Variants in PHKB observed in about 807,000 individuals in gnomAD.
The protein encoded by PHKB is phosphorylase b kinase regulatory subunit beta.
PHKB carries 122 observed loss-of-function variants against 152.1 expected under a neutral mutation model. The observed-to-expected ratio is 0.80, with a 90% CI of 0.69 to 0.93. The LOEUF (loss-of-function observed/expected upper bound fraction) is 0.93, where lower values mean the gene tolerates loss of function less well. PHKB is among the 40% of genes least tolerant of loss of function. PHKB has a pLI of 0.00. For missense variants in PHKB, 1,304 were observed against 1,328.4 expected (o/e 0.98, Z 0.29); for synonymous variants, 436 against 464.9 (o/e 0.94, Z 0.80).
chr16:47,481,956 G>A (rs560055841), intron 1 of PHKB, among the ~76,000 whole-genome samples: 2 of 152,222 alleles, frequency 1.3e-5, no homozygotes, highest in South Asian at 2.1e-4. Flanking sequence ...CTATGAAGAC[G>A]TTCTCCCCTC....
At chr16:47,585,133 A>G (rs1400445348) in intron 8 of PHKB, among the ~76,000 whole-genome samples, 2 of 152,206 alleles carry the variant, frequency 1.3e-5, no homozygotes, top group African/African-American at 4.8e-5. Flanking sequence ...AAACTTGGCT[A>G]GGGAGTAAAG....
chr16:47,580,625 T>C (rs554884361), intron 8 of PHKB, among the ~76,000 whole-genome samples: 1 of 152,042 alleles, frequency 6.6e-6, no homozygotes, highest in South Asian at 2.1e-4. Flanking sequence ...CAGTGACTTT[T>C]CCCTCAAATC....
chr16:47,487,277 A>G (rs1226098328), intron 1 of PHKB, among the ~76,000 whole-genome samples: 1 of 152,196 alleles, frequency 6.6e-6, no homozygotes, highest in Non-Finnish European at 1.5e-5. Flanking sequence ...CATTAATGCA[A>G]CTATCCATAA....
chr16:47,555,548 T>C (rs1971354076), intron 7 of PHKB, among the ~76,000 whole-genome samples: 1 of 152,254 alleles, frequency 6.6e-6, no homozygotes, highest in South Asian at 2.1e-4. Context: ...AGGTACCATC[T>C]TGCAATAATC....
At chr16:47,683,834 A>G (rs1368306772) in intron 26 of PHKB, among the ~76,000 whole-genome samples, 1 of 152,116 alleles carries the variant, frequency 6.6e-6, no homozygotes, top group Admixed American at 6.5e-5. Context: ...AAATGCAGAA[A>G]TCACCCATCT....
At position 47,660,643 on chromosome 16, in the gene PHKB, C is replaced by A. The variant is rs1302262307; in HGVS notation, c.2034-14C>A. The stretch of plus-strand genomic sequence containing the variant: ...AAAAGCAGAAAATATGAAACCTTTT[C>A]TTTTAATTTTTAGGCTTCCAGAATT... On this transcript the variant is annotated splice_polypyrimidine_tract_variant and intron_variant, in intron 21 of 30. Coordinates refer to ENST00000323584, the MANE Select transcript of PHKB (RefSeq NM_000293.3). 1 of 1,613,446 alleles carries A rather than the reference C, an allele frequency of 6.2e-7. No individual in the cohort carries two copies. Among genetic ancestry groups the A allele is most frequent in the African/African-American group, 1.3e-5 (1 of 74,836 alleles).
intron 20 of PHKB, among the ~76,000 whole-genome samples, chr16:47,660,158 T>C (rs1041015982): frequency 6.6e-6 from 1 of 152,172 alleles, no homozygotes; most frequent in African/African-American, 2.4e-5. Context: ...CACTGCACCC[T>C]GTCAGAAATG....
chr16:47,662,028 G>A (rs938170704), intron 23 of PHKB, among the ~76,000 whole-genome samples: 2 of 152,150 alleles, frequency 1.3e-5, no homozygotes, highest in African/African-American at 4.8e-5. Flanking sequence ...TTGTTTCTCT[G>A]ATTGTCTGAA....
intron 1 of PHKB, among the ~76,000 whole-genome samples, chr16:47,480,170 T>C (rs1395227742): frequency 1.3e-5 from 2 of 152,214 alleles, no homozygotes; most frequent in African/African-American, 4.8e-5. Context: ...ATGTAATGAC[T>C]GCCTCCATTT....
Position 47,589,015 on chromosome 16 carries a change from A to G in PHKB, c.981A>G (p.Lys327=). The change falls in exon 10 of 31, where the codon AAA becomes AAG. Residue 327 remains lysine, a synonymous_variant. Coordinates refer to ENST00000323584, the MANE Select transcript of PHKB (RefSeq NM_000293.3). ...LDKVVRKLKG[K]YGFKRFLRDG... The stretch of plus-strand genomic sequence containing the variant: ...AAGTGGTTAGAAAATTAAAAGGAAA[A>G]TATGGATTTAAACGTTTCTTGAGAG... 1 of 1,613,868 alleles carries G rather than the reference A, an allele frequency of 6.2e-7. No individual in the cohort carries two copies. The highest frequency in any genetic ancestry group is 8.5e-7 in the Non-Finnish European group (1 of 1,179,764).
At chr16:47,699,152 T>G (rs1974205604) in intron 30 of PHKB, 77 bp from the exon 31 acceptor site, 1 of 1,356,866 alleles carries the variant, frequency 7.4e-7, no homozygotes, top group Admixed American at 1.7e-5. Flanking sequence ...TTTTTCCCCC[T>G]AAGCTGACAC....
At chr16:47,620,844 A>G (rs991041928) in intron 14 of PHKB, among the ~76,000 whole-genome samples, 9 of 152,296 alleles carry the variant, frequency 5.9e-5, no homozygotes, top group Middle Eastern at 6.8e-3. Flanking sequence ...ACTGCAGTTC[A>G]GCCTGGGCAA....
intron 13 of PHKB, chr16:47,597,990 AAATAT>A (rs1567321403): frequency 6.6e-6 from 1 of 152,124 alleles, no homozygotes; most frequent in Non-Finnish European, 1.5e-5. Context: ...GAAGGTTTTC[AAATAT>A]AATATAGTAA....
intron 7 of PHKB, among the ~76,000 whole-genome samples, chr16:47,560,624 A>C (rs1437443519): frequency 1.3e-5 from 2 of 152,328 alleles, no homozygotes; most frequent in Non-Finnish European, 1.5e-5. Flanking sequence ...TCTGTAATCA[A>C]TCGATTTTCA....
At chr16:47,558,880 A>G (rs1256228898) in intron 7 of PHKB, among the ~76,000 whole-genome samples, 1 of 152,226 alleles carries the variant, frequency 6.6e-6, no homozygotes, top group Non-Finnish European at 1.5e-5. Context: ...CATTTAGATG[A>G]CAATTTCCAA....
chr16:47,496,941 A>G (rs1468980911), intron 1 of PHKB, among the ~76,000 whole-genome samples: 1 of 152,214 alleles, frequency 6.6e-6, no homozygotes, highest in Non-Finnish European at 1.5e-5. Flanking sequence ...GCTTTGGAGT[A>G]TGTGAACATT....
intron 7 of PHKB, chr16:47,565,339 A>G (rs1971547032): frequency 2.4e-6 from 2 of 839,530 alleles, no homozygotes; most frequent in Non-Finnish European, 4.2e-6. Context: ...CTTTATTTTC[A>G]TCTTTTCTTG....
At chr16:47,630,296 A>G (rs1039417549) in intron 14 of PHKB, among the ~76,000 whole-genome samples, 2 of 152,176 alleles carry the variant, frequency 1.3e-5, no homozygotes, top group African/African-American at 4.8e-5. Flanking sequence ...TGCCTGGCCA[A>G]CATGGTGAAA....
At chr16:47,581,076 T>C (rs867186795) in intron 8 of PHKB, among the ~76,000 whole-genome samples, 4 of 152,188 alleles carry the variant, frequency 2.6e-5, no homozygotes, top group South Asian at 2.1e-4. Context: ...AAGTGAAGTT[T>C]CTAACTGAGA....
Sources: gnomAD v4.1 joint callset for allele counts (sites outside exome capture counted in the v4.1 genomes callset) on GRCh38, gnomAD v4.1.1 for gene constraint, MANE v1.5 for transcripts, NCBI Gene and HGNC (gene_info 2026-07-23, HGNC 2026-07-21) for gene names.